CARMIL1: variants seen among roughly 807,000 people sequenced by gnomAD.
CARMIL1 encodes the protein F-actin-uncapping protein LRRC16A.
CARMIL1 carries 90 observed loss-of-function variants against 177.1 expected under a neutral mutation model. The ratio of observed to expected loss-of-function variants is 0.51; its 90% CI spans 0.43 to 0.61. The LOEUF (loss-of-function observed/expected upper bound fraction) is 0.61. CARMIL1 is among the 20% of genes least tolerant of loss of function. CARMIL1 has a pLI of 0.00. For synonymous variants in CARMIL1, 577 were observed against 606.2 expected (o/e 0.95, Z 0.71); for missense variants, 1,380 against 1,667.0 (o/e 0.83, Z 3.00).
rs1256175475 is a variant in CARMIL1 at position 25,577,982 on chromosome 6, CT to C, written c.2743-2936del. On this transcript the variant is annotated intron_variant, in intron 29 of 36. Coordinates refer to ENST00000329474, the MANE Select transcript of CARMIL1 (RefSeq NM_017640.6). The surrounding 1 kb of genome is among the most constrained non-coding windows in gnomAD (Gnocchi z 4.5). ...AGGGTTTAACACCTTTTTCCTCATA[CT>C]TTTTTGGGATATGGGTTTTGAAAAT... 1.3e-5 allele frequency among the ~76,000 whole-genome samples: 2 copies of C among 152,248 alleles called. No homozygotes were observed. The highest frequency in any genetic ancestry group is 2.9e-5 in the Non-Finnish European group (2 of 68,002).
At position 25,331,683 on chromosome 6, in the gene CARMIL1, A is replaced by G. The variant is rs1245161112; in HGVS notation, c.138+46774A>G. On this transcript the variant is annotated intron_variant, in intron 2 of 36. Transcript: ENST00000329474. ...AGGGAGCCGAAGTTCAGTCCTTCCT[A>G]TTAGATCTCTAGAAAGCTACGTGAC... Among the ~76,000 whole-genome samples, 6 of 152,192 alleles carry G rather than the reference A, an allele frequency of 3.9e-5. 1 individual carries two copies. The highest frequency in any genetic ancestry group is 3.9e-4 in the Admixed American group (6 of 15,282).
chr6:25,536,422 AG>A (rs1028653251), intron 24 of CARMIL1, among the ~76,000 whole-genome samples: 1 of 152,178 alleles, frequency 6.6e-6, no homozygotes, highest in Admixed American at 6.5e-5. Flanking sequence ...ATTTGATGTG[AG>A]AAGCAATATT....
At chr6:25,357,288 T>G (rs1788724683) in intron 2 of CARMIL1, among the ~76,000 whole-genome samples, 1 of 152,122 alleles carries the variant, frequency 6.6e-6, no homozygotes, top group African/African-American at 2.4e-5. Context: ...CCACAAAAAC[T>G]CAAAACAGTT....
chr6:25,330,423 A>C (rs1040437117), intron 2 of CARMIL1, among the ~76,000 whole-genome samples: 2 of 152,238 alleles, frequency 1.3e-5, no homozygotes, highest in African/African-American at 4.8e-5. Flanking sequence ...CCAGGGAAGA[A>C]GGGGAGAGAT....
At chr6:25,531,049 A>G (rs889900839) in intron 24 of CARMIL1, among the ~76,000 whole-genome samples, 1 of 152,232 alleles carries the variant, frequency 6.6e-6, no homozygotes, top group Non-Finnish European at 1.5e-5. Flanking sequence ...AGAAAGTTGA[A>G]TGGTAGTGTA....
intron 2 of CARMIL1, among the ~76,000 whole-genome samples, chr6:25,317,811 C>T (rs572309354): frequency 4.6e-5 from 7 of 152,158 alleles, no homozygotes; most frequent in South Asian, 4.2e-4. Context: ...GTCACCCGTC[C>T]GCATTATCCT....
chr6:25,417,388 C>T (rs1468666770), intron 2 of CARMIL1, among the ~76,000 whole-genome samples: 2 of 152,148 alleles, frequency 1.3e-5, no homozygotes, highest in Non-Finnish European at 2.9e-5. Flanking sequence ...TGCCCTTTTG[C>T]AAAAGGCCTG....
chr6:25,452,003 C>CCCCG, intron 8 of CARMIL1: 1 of 294,088 alleles, frequency 3.4e-6, no homozygotes, highest in African/African-American at 2.5e-5. Context: ...CCTCCCCCCC[C>CCCCG]CAGAATACTG....
Position 25,420,174 on chromosome 6 carries a change from G to A in CARMIL1, c.189+10G>A, listed in dbSNP as rs780674181. 6.2e-7 allele frequency: 1 copy of A among 1,604,588 alleles called. No homozygotes were observed. Among genetic ancestry groups the A allele is most frequent in the Non-Finnish European group, 8.5e-7 (1 of 1,171,248 alleles). On this transcript the variant is annotated intron_variant, in intron 3 of 36. Coordinates refer to ENST00000329474, the MANE Select transcript of CARMIL1 (RefSeq NM_017640.6). ...GCGAATCCCCACCAAGGTAAGTGTTGATGAAGTCCTTCCTTCTGCACTCAC... is the reference window on the plus strand; with the variant it reads ...GCGAATCCCCACCAAGGTAAGTGTTAATGAAGTCCTTCCTTCTGCACTCAC...
At chr6:25,618,279 G>C (rs1759450872) in intron 36 of CARMIL1, among the ~76,000 whole-genome samples, 2 of 148,752 alleles carry the variant, frequency 1.3e-5, no homozygotes, top group African/African-American at 5.0e-5. Flanking sequence ...TTTTTTAGCA[G>C]AATGCAAAAA....
chr6:25,323,420 C>CAAAAAAAA (rs11288797), intron 2 of CARMIL1, among the ~76,000 whole-genome samples: 1 of 82,372 alleles, frequency 1.2e-5, no homozygotes. Context: ...CCTGTCTCTA[C>CAAAAAAAA]AAAAAAAAAA....
chr6:25,460,850 T>C (rs773128531), intron 8 of CARMIL1, among the ~76,000 whole-genome samples: 3 of 152,216 alleles, frequency 2.0e-5, no homozygotes, highest in Non-Finnish European at 4.4e-5. Context: ...TATGCAGATG[T>C]GTACTAGGAT....
At chr6:25,349,098 A>C (rs947831172) in intron 2 of CARMIL1, among the ~76,000 whole-genome samples, 1 of 152,128 alleles carries the variant, frequency 6.6e-6, no homozygotes, top group Non-Finnish European at 1.5e-5. Context: ...GCTTTAGTTC[A>C]GGGTTGAAGG....
chr6:25,506,122 G>A (rs1407730354), intron 17 of CARMIL1, among the ~76,000 whole-genome samples: 3 of 152,214 alleles, frequency 2.0e-5, no homozygotes, highest in African/African-American at 7.2e-5. Flanking sequence ...CTTGAGGCAA[G>A]CATCATTGTA....
In CARMIL1 at chr6:25,594,425, C is replaced by T. The variant is rs200533860; in HGVS notation, c.3017C>T (p.Ala1006Val). ...QQPTQAAVCA[A>V]NIVSQDGEQN... is the part of the protein sequence containing the mutation. Reference sequence around the variant, plus strand: ...CTGTTTGTTTTGCAGGTCTGTGCTGCCAACATAGTCTCACAAGATGGTGAA... The same window carrying T: ...CTGTTTGTTTTGCAGGTCTGTGCTGTCAACATAGTCTCACAAGATGGTGAA... Residue 1006 changes from alanine to valine, a missense_variant, in exon 32 of 37, where the codon GCC becomes GTC. Coordinates refer to ENST00000329474, the MANE Select transcript of CARMIL1 (RefSeq NM_017640.6). The T allele has an allele frequency of 5.0e-4, 801 of 1,609,564 alleles. No individual in the cohort carries two copies. The highest frequency in any genetic ancestry group is 6.2e-4 in the Non-Finnish European group (730 of 1,177,314).
At chr6:25,342,269 T>A (rs1225302752) in intron 2 of CARMIL1, among the ~76,000 whole-genome samples, 1 of 152,168 alleles carries the variant, frequency 6.6e-6, no homozygotes, top group Admixed American at 6.5e-5. Context: ...AAGAGGTCAT[T>A]TAGTCTCATT....
intron 2 of CARMIL1, among the ~76,000 whole-genome samples, chr6:25,411,388 T>C (rs988988389): frequency 2.0e-5 from 3 of 152,218 alleles, no homozygotes; most frequent in Non-Finnish European, 4.4e-5. Context: ...CCATTCATGT[T>C]AGTGTGTCAC....
At chr6:25,548,983 A>G (rs1809795574) in intron 26 of CARMIL1, among the ~76,000 whole-genome samples, 1 of 152,198 alleles carries the variant, frequency 6.6e-6, no homozygotes, top group African/African-American at 2.4e-5. Context: ...GCTGTATTGT[A>G]CTGTTGGGAT....
At chr6:25,573,267 C>T (rs1258022714) in intron 29 of CARMIL1, among the ~76,000 whole-genome samples, 1 of 151,972 alleles carries the variant, frequency 6.6e-6, no homozygotes, top group African/African-American at 2.4e-5. Context: ...TAAGATGTTT[C>T]AAAAAGTGTT....
Sources: gnomAD v4.1 joint callset for allele counts (sites outside exome capture counted in the v4.1 genomes callset) on GRCh38, gnomAD v4.1.1 for gene constraint, Gnocchi (gnomAD v3.1) non-coding constraint, MANE v1.5 for transcripts, NCBI Gene and HGNC (gene_info 2026-07-23, HGNC 2026-07-21) for gene names.